Variants in DEF8 observed in about 807,000 individuals in gnomAD.
DEF8 encodes the protein differentially expressed in FDCP 8 homolog.
A neutral mutation model predicts 59.1 loss-of-function variants in DEF8; 38 were observed. That is an observed-to-expected ratio of 0.64 (90% CI 0.50 to 0.84). The LOEUF is 0.84. Ranked by LOEUF, DEF8 falls within the 40% of genes least tolerant of loss-of-function variation. The probability of loss-of-function intolerance (pLI) is 0.00; values close to 1 mark genes in which losing one functional copy is unlikely to be tolerated. For missense variants in DEF8, 557 were observed against 615.2 expected (o/e 0.91, Z 1.00); for synonymous variants, 265 against 250.1 (o/e 1.06, Z -0.56).
intron 2 of DEF8, among the ~76,000 whole-genome samples, chr16:89,950,538 C>T (rs911347595): frequency 6.6e-6 from 1 of 152,138 alleles, no homozygotes; most frequent in African/African-American, 2.4e-5. Flanking sequence ...CAGGCATGCA[C>T]CACCATGCCC....
At chr16:89,957,353 TC>T (rs1895668969) in intron 4 of DEF8, 157 bp from the exon 5 acceptor site, 1 of 758,460 alleles carries the variant, frequency 1.3e-6, no homozygotes, top group Non-Finnish European at 2.0e-6. Flanking sequence ...CTGCCACCTT[TC>T]CTGCCCTGGA....
At chr16:89,955,113 GA>G in intron 3 of DEF8, 55 bp from the exon 4 acceptor site, 1 of 1,369,848 alleles carries the variant, frequency 7.3e-7, no homozygotes, top group Non-Finnish European at 1.0e-6. Context: ...CTCCCTAGGG[GA>G]TGGGAGGCAG....
chr16:89,949,466 A>G lies in DEF8; in HGVS notation c.-58A>G. 4 of 1,612,000 alleles carry G rather than the reference A, an allele frequency of 2.5e-6. No individual in the cohort carries two copies. The highest frequency in any genetic ancestry group is 3.4e-6 in the Non-Finnish European group (4 of 1,179,786). On this transcript the variant is annotated 5_prime_UTR_variant, in exon 2 of 13. The change abolishes an upstream ATG in the 5' untranslated region. Coordinates refer to ENST00000563594, the MANE Select transcript of DEF8 (RefSeq NM_001242818.2). ...TTCCGTGGCCAGCAGCCCTAGAGGA[A>G]TGGCCATCCTGTCCCTGCGAGCCCC...
chr16:89,965,251 C>T (rs1369772155), intron 12 of DEF8, among the ~76,000 whole-genome samples: 3 of 152,154 alleles, frequency 2.0e-5, no homozygotes, highest in Admixed American at 6.5e-5. Context: ...GGGCCTCACA[C>T]ATCTTCCAGA....
At chr16:89,949,985 T>G (rs1482685913) in intron 2 of DEF8, 1 of 1,041,192 alleles carries the variant, frequency 9.6e-7, no homozygotes, top group Non-Finnish European at 1.2e-6. Context: ...CCTCCCCTCA[T>G]TCATCCCCTG....
chr16:89,951,117 T>C (rs1188907642), intron 2 of DEF8, among the ~76,000 whole-genome samples: 1 of 152,260 alleles, frequency 6.6e-6, no homozygotes, highest in African/African-American at 2.4e-5. Context: ...AATCCCCATT[T>C]GAGACATGGG....
At chr16:89,956,473 G>T (rs1413623913) in intron 4 of DEF8, 1 of 151,822 alleles carries the variant, frequency 6.6e-6, no homozygotes, top group Non-Finnish European at 1.5e-5. Flanking sequence ...AAAAAAGAGG[G>T]AGAGACTTCA....
In DEF8 at chr16:89,954,411, C is replaced by A; in HGVS notation, c.124+35C>A. Reference sequence around the variant, plus strand: ...GGTGGGAGTCAGGGTGGGAGCTGGGCAGGTCTCTGACTGCTTACGTGGACC... The same window carrying A: ...GGTGGGAGTCAGGGTGGGAGCTGGGAAGGTCTCTGACTGCTTACGTGGACC... On this transcript the variant is annotated intron_variant, in intron 3 of 12. Coordinates refer to ENST00000563594, the MANE Select transcript of DEF8 (RefSeq NM_001242818.2). This position sits in a 1 kb window ranked among gnomAD's most constrained non-coding sequence, Gnocchi z 4.3. 1 of 1,606,144 alleles carries A rather than the reference C, an allele frequency of 6.2e-7. No individual in the cohort carries two copies. The highest frequency in any genetic ancestry group is 2.2e-5 in the East Asian group (1 of 44,786).
In DEF8 at chr16:89,963,412, G is replaced by C. The variant is rs1264543838; in HGVS notation, c.971G>C (p.Arg324Thr). 1 of 1,613,814 alleles carries C rather than the reference G, an allele frequency of 6.2e-7. No homozygotes were observed. The highest frequency in any genetic ancestry group is 1.3e-5 in the African/African-American group (1 of 74,930). The change falls in exon 10 of 13, where the codon AGG becomes ACG. Residue 324 changes from arginine (R) to threonine (T), a missense_variant. Physicochemically the swap from Arg to Thr is moderately conservative, Grantham distance 71. Coordinates refer to ENST00000563594, the MANE Select transcript of DEF8 (RefSeq NM_001242818.2). ...LLMKPYFITC[R>T]EAMEARLLLQ... ...ATGAAGCCGTACTTCATCACCTGCA[G>C]GGAGGCCATGGAGGCTCGTCTGCTG...
intron 6 of DEF8, among the ~76,000 whole-genome samples, chr16:89,960,272 G>A (rs2033849790): frequency 6.6e-6 from 1 of 152,110 alleles, no homozygotes; most frequent in Non-Finnish European, 1.5e-5. Flanking sequence ...GACTCTGATT[G>A]GGCTGGGGTA....
At chr16:89,959,847 G>A (rs906148917) in intron 6 of DEF8, among the ~76,000 whole-genome samples, 1 of 152,108 alleles carries the variant, frequency 6.6e-6, no homozygotes, top group South Asian at 2.1e-4. Context: ...AGCAAGCCAA[G>A]ACAATATGTC....
At chr16:89,963,525 C>A in intron 10 of DEF8, 82 bp downstream of exon 10, 1 of 1,243,932 alleles carries the variant, frequency 8.0e-7, no homozygotes. Flanking sequence ...TTTTTCCGGA[C>A]AGCTTGTGCG....
At chr16:89,950,150 C>T (rs2031736485) in intron 2 of DEF8, 1 of 987,256 alleles carries the variant, frequency 1.0e-6, no homozygotes, top group Non-Finnish European at 1.2e-6. Flanking sequence ...TGACGCTCCT[C>T]TGGCCATGTT....
Position 89,964,579 on chromosome 16 carries a change from G to A in DEF8, c.1253+4G>A, listed in dbSNP as rs1460120218. The A allele has an allele frequency of 6.4e-7, 1 of 1,554,808 alleles. No homozygotes were observed. The highest frequency in any genetic ancestry group is 2.4e-5 in the East Asian group (1 of 41,264). ...ACTGCTCCGCGGTCTTCCACAGGTG[G>A]GTGTGGCCTGGGCCCCGCACTCGGG... On this transcript the variant is annotated splice_donor_region_variant and intron_variant, in intron 12 of 12. Transcript: ENST00000563594.
At chr16:89,959,558 A>G (rs1225903298) in intron 6 of DEF8, among the ~76,000 whole-genome samples, 11 of 152,214 alleles carry the variant, frequency 7.2e-5, no homozygotes, top group African/African-American at 2.4e-4. Context: ...GCAGTGGTGC[A>G]ATCTCAGCTC....
In DEF8 at chr16:89,966,649, G is replaced by A. The variant is rs539723503; in HGVS notation, c.*686G>A. 6.5e-6 allele frequency: 1 copy of A among 152,786 alleles called. No homozygotes were observed. The highest frequency in any genetic ancestry group is 1.9e-4 in the East Asian group (1 of 5,178). The allele number at this position is 152,786 out of a possible 1,614,324, so 9.5% of individuals were successfully genotyped here. A position where few individuals can be genotyped will look rare whatever the true frequency, so the allele number is the denominator to read the frequency against. On this transcript the variant is annotated 3_prime_UTR_variant, in exon 13 of 13. Coordinates refer to ENST00000563594, the MANE Select transcript of DEF8 (RefSeq NM_001242818.2). ...TATACAACAGCAGGGAAGGGGCCATGGAGCTTTTCCCTGCTGGGTGCTCCT... is the reference window on the plus strand; with the variant it reads ...TATACAACAGCAGGGAAGGGGCCATAGAGCTTTTCCCTGCTGGGTGCTCCT...
Position 89,955,210 on chromosome 16 carries a change from T to A in DEF8, c.166T>A (p.Cys56Ser). The change falls in exon 4 of 13, where the codon TGC becomes AGC. Residue 56 changes from cysteine (C) to serine (S), a missense_variant. By Grantham distance (112) the Cys-to-Ser change is moderately radical. Coordinates refer to ENST00000563594, the MANE Select transcript of DEF8 (RefSeq NM_001242818.2). ...GCCCCCTGGGGAGCCGGAATTCCGC[T>A]GCCCTGAACGCGTGATGGATCTCGG... ...ELPPGEPEFR[C>S]PERVMDLGLS... The A allele has an allele frequency of 1.9e-6, 3 of 1,613,750 alleles. No individual in the cohort carries two copies. Among genetic ancestry groups the A allele is most frequent in the Non-Finnish European group, 1.7e-6 (2 of 1,179,964 alleles).
At chr16:89,962,161 G>A (rs763770584) in intron 9 of DEF8, 36 bp downstream of exon 9, 12 of 1,571,186 alleles carry the variant, frequency 7.6e-6, no homozygotes, top group South Asian at 3.4e-5. Flanking sequence ...GGGCGGGGGC[G>A]CTGTGTCAGG....
chr16:89,959,797 G>A (rs1158365436), intron 6 of DEF8, among the ~76,000 whole-genome samples: 5 of 152,354 alleles, frequency 3.3e-5, no homozygotes, highest in African/African-American at 7.2e-5. Flanking sequence ...ACGCCCAGCC[G>A]GCGTCACGTG....
Sources: allele counts gnomAD v4.1 joint callset (sites outside exome capture counted in the v4.1 genomes callset), GRCh38; gene constraint gnomAD v4.1.1; non-coding constraint Gnocchi (gnomAD v3.1); transcripts MANE v1.5; gene names NCBI Gene and HGNC (gene_info 2026-07-23, HGNC 2026-07-21).